The following HECW1 variants were observed in gnomAD, a reference collection of about 807,000 sequenced individuals.
The protein encoded by HECW1 is HECT, C2 and WW domain containing E3 ubiquitin protein ligase 1.
HECW1 carries 61 observed loss-of-function variants against 182.3 expected under a neutral mutation model. The observed-to-expected ratio is 0.33, with a 90% CI of 0.27 to 0.41. HECW1 has a LOEUF of 0.41. Among genes scored for constraint, HECW1 ranks in the 10% least tolerant of loss-of-function variants. The pLI, the probability that HECW1 is intolerant of heterozygous loss-of-function variation, is 1.00. For synonymous variants in HECW1, 859 were observed against 832.6 expected (o/e 1.03, Z -0.55); for missense variants, 1,739 against 2,108.9 (o/e 0.82, Z 3.44).
intron 24 of HECW1, among the ~76,000 whole-genome samples, chr7:43,534,298 A>G (rs1213176705): frequency 2.6e-5 from 4 of 152,180 alleles, no homozygotes; most frequent in Non-Finnish European, 2.9e-5. Flanking sequence ...AGACTTCCCA[A>G]CTGCATTTTT....
At chr7:43,414,870 G>C (rs1172737359) in intron 8 of HECW1, among the ~76,000 whole-genome samples, 7 of 151,992 alleles carry the variant, frequency 4.6e-5, no homozygotes, top group Admixed American at 6.5e-5. Flanking sequence ...GTATTTTATT[G>C]AGGATTTTTG....
At chr7:43,519,068 T>C (rs1355525335) in intron 24 of HECW1, among the ~76,000 whole-genome samples, 10 of 152,202 alleles carry the variant, frequency 6.6e-5, no homozygotes, top group Admixed American at 6.5e-4. Flanking sequence ...TAATATTTAT[T>C]GAGCCCTTAT....
At chr7:43,558,386 G>A (rs1299545830) in intron 29 of HECW1, among the ~76,000 whole-genome samples, 1 of 152,210 alleles carries the variant, frequency 6.6e-6, no homozygotes, top group African/African-American at 2.4e-5. Flanking sequence ...TTTCACTGCA[G>A]ATGTAAACTA....
At chr7:43,365,213 T>C (rs1426003934) in intron 6 of HECW1, among the ~76,000 whole-genome samples, 3 of 152,256 alleles carry the variant, frequency 2.0e-5, no homozygotes, top group Non-Finnish European at 2.9e-5. Context: ...TCTGAAGCTG[T>C]TGGTGTGAGC....
At chr7:43,143,305 AC>A (rs1197105240) in intron 2 of HECW1, among the ~76,000 whole-genome samples, 2 of 151,814 alleles carry the variant, frequency 1.3e-5, no homozygotes, top group Admixed American at 6.6e-5. Context: ...TTGTTTTGAG[AC>A]AAGGTCTCGC....
chr7:43,355,345 T>C (rs1435220536), intron 5 of HECW1, among the ~76,000 whole-genome samples: 1 of 152,140 alleles, frequency 6.6e-6, no homozygotes, highest in Non-Finnish European at 1.5e-5. Flanking sequence ...GCCCAAAAGA[T>C]AAATTGATCA....
chr7:43,421,552 C>A (rs1322342878), intron 8 of HECW1, among the ~76,000 whole-genome samples: 1 of 152,114 alleles, frequency 6.6e-6, no homozygotes, highest in Non-Finnish European at 1.5e-5. Context: ...AATATCTAGA[C>A]TATAAATACT....
At chr7:43,248,229 G>A (rs73101135) in intron 3 of HECW1, among the ~76,000 whole-genome samples, 8,124 of 152,094 alleles carry the variant, frequency 0.053, 423 homozygotes, top group African/African-American at 0.14. Context: ...GGAGCCCCAG[G>A]GCTCCTGACA....
chr7:43,170,952 C>T (rs986038253), intron 2 of HECW1, among the ~76,000 whole-genome samples: 4 of 152,110 alleles, frequency 2.6e-5, no homozygotes, highest in Non-Finnish European at 5.9e-5. Flanking sequence ...CCAGGGGAAA[C>T]ATGAATGAAA....
chr7:43,301,549 C>T (rs1247432069), intron 3 of HECW1, among the ~76,000 whole-genome samples: 1 of 152,210 alleles, frequency 6.6e-6, no homozygotes, highest in Non-Finnish European at 1.5e-5. Context: ...ACACTAAAGA[C>T]TCCATCCACA....
chr7:43,274,535 G>A, intron 3 of HECW1: 2 of 572,214 alleles, frequency 3.5e-6, no homozygotes, highest in Admixed American at 4.4e-5. Context: ...GCCAACAAGT[G>A]CCGCCGGGCC....
At chr7:43,349,351 T>C (rs573383018) in intron 5 of HECW1, among the ~76,000 whole-genome samples, 37 of 152,324 alleles carry the variant, frequency 2.4e-4, no homozygotes, top group African/African-American at 8.4e-4. Flanking sequence ...TGAAATGTTC[T>C]ATGTCTATCT....
chr7:43,498,706 C>T (rs1246675629), intron 19 of HECW1, among the ~76,000 whole-genome samples: 1 of 152,132 alleles, frequency 6.6e-6, no homozygotes, highest in African/African-American at 2.4e-5. Context: ...TGTGAACACC[C>T]CCCAGGTTCT....
intron 6 of HECW1, among the ~76,000 whole-genome samples, chr7:43,386,103 G>A (rs992391725): frequency 1.3e-5 from 2 of 152,296 alleles, no homozygotes; most frequent in South Asian, 2.1e-4. Context: ...TCCTTACCAC[G>A]TGGTCCCCTC....
At chr7:43,427,393 T>C (rs1289538616) in intron 8 of HECW1, among the ~76,000 whole-genome samples, 1 of 152,198 alleles carries the variant, frequency 6.6e-6, no homozygotes, top group African/African-American at 2.4e-5. Context: ...AACCTAGTAC[T>C]TCTCTTCAGA....
chr7:43,422,934 T>TCGAGAGC (rs1310221742), intron 8 of HECW1, among the ~76,000 whole-genome samples: 1 of 151,208 alleles, frequency 6.6e-6, no homozygotes, highest in African/African-American at 2.4e-5. Context: ...TGGCCGAGAG[T>TCGAGAGC]CGTGGTCTCC....
intron 24 of HECW1, among the ~76,000 whole-genome samples, chr7:43,527,051 G>T (rs62461060): frequency 6.6e-6 from 1 of 152,186 alleles, no homozygotes; most frequent in Non-Finnish European, 1.5e-5. Flanking sequence ...AGTTATCCAG[G>T]CAAGCAGCCT....
chr7:43,442,971 G>A (rs2076935701), intron 10 of HECW1, among the ~76,000 whole-genome samples: 1 of 152,198 alleles, frequency 6.6e-6, no homozygotes, highest in South Asian at 2.1e-4. Context: ...ATGAATGAAT[G>A]AACGTGAAAC....
At chr7:43,541,441 G>GT (rs1341478251) in intron 25 of HECW1, among the ~76,000 whole-genome samples, 180 bp downstream of exon 25, 2 of 152,166 alleles carry the variant, frequency 1.3e-5, no homozygotes, top group Non-Finnish European at 2.9e-5. Context: ...CAATAAAAAG[G>GT]TATTTGGGGA....
Sources: allele counts gnomAD v4.1 joint callset (sites outside exome capture counted in the v4.1 genomes callset), GRCh38; gene constraint gnomAD v4.1.1; transcripts MANE v1.5; gene names NCBI Gene and HGNC (gene_info 2026-07-23, HGNC 2026-07-21).